The following DCTN1 variants were observed in gnomAD, a reference collection of about 807,000 sequenced individuals.
DCTN1 encodes the protein dynactin subunit 1, also known as 150 kDa dynein-associated polypeptide.
Under a neutral mutation model 161.2 loss-of-function variants are expected in DCTN1, and 61 were observed. The ratio of observed to expected loss-of-function variants is 0.38; its 90% CI spans 0.31 to 0.47. The LOEUF (loss-of-function observed/expected upper bound fraction) is 0.47, where lower values mean the gene tolerates loss of function less well. DCTN1 is among the 20% of genes least tolerant of loss of function. The pLI is 0.99. For synonymous variants in DCTN1, 653 were observed against 632.4 expected, an observed-to-expected ratio of 1.03 and a Z score of -0.49; for missense variants, 1,404 against 1,623.7, an observed-to-expected ratio of 0.86 and a Z score of 2.33.
In DCTN1 at chr2:74,361,492, G is replaced by T; in HGVS notation, c.*7C>A. On this transcript the variant is annotated 3_prime_UTR_variant, in exon 32 of 32. Coordinates refer to ENST00000628224, the MANE Select transcript of DCTN1 (RefSeq NM_004082.5). ...GGGTCGAAGGGGACAGCAGGGGAAA[G>T]GAGTGCTTAGGAGATGAGGCGACTG... The T allele has an allele frequency of 6.2e-7, 1 of 1,614,100 alleles. No homozygotes were observed. The highest frequency in any genetic ancestry group is 8.5e-7 in the Non-Finnish European group (1 of 1,180,030).
In DCTN1 at chr2:74,369,816, GAAAAA is replaced by G; in HGVS notation, c.1392+144_1392+148del. 129 of 510,662 alleles carry G rather than the reference GAAAAA, an allele frequency of 2.5e-4. No individual in the cohort carries two copies. The highest frequency in any genetic ancestry group is 4.4e-4 in the East Asian group (13 of 29,786). 31.6% of individuals were successfully genotyped at this position (510,662 alleles called of 1,614,324 possible). ...GGCAACAGAGCGAGATTCCATCTCAGAAAAAAAAAAAAAAAAAAAAGGCAGGGTCA... is the reference window on the plus strand; with the variant it reads ...GGCAACAGAGCGAGATTCCATCTCAGAAAAAAAAAAAAAAAGGCAGGGTCA... On this transcript the variant is annotated intron_variant, in intron 13 of 31. Transcript: ENST00000628224. The surrounding 1 kb of genome is among the most constrained non-coding windows in gnomAD (Gnocchi z 4.9).
At chr2:74,379,838 G>A (rs1346400518) in intron 1 of DCTN1, among the ~76,000 whole-genome samples, 167 bp downstream of exon 1, 6 of 152,090 alleles carry the variant, frequency 3.9e-5, no homozygotes, top group African/African-American at 1.2e-4. Context: ...AGGGAAGCCT[G>A]TCCAGCCTTA....
chr2:74,365,502 G>A lies in DCTN1; in HGVS notation c.3029+13C>T, dbSNP rs766752428. 1.2e-6 allele frequency: 2 copies of A among 1,614,112 alleles called. No individual in the cohort carries two copies. The highest frequency in any genetic ancestry group is 1.1e-5 in the South Asian group (1 of 91,070). On this transcript the variant is annotated intron_variant, in intron 25 of 31. Transcript: ENST00000628224. ...GGATTAGAGGAAGCAAGGCCCCAGGGAAAGTGCCTGACTTCTCCTTCTTTC... is the reference window on the plus strand; with the variant it reads ...GGATTAGAGGAAGCAAGGCCCCAGGAAAAGTGCCTGACTTCTCCTTCTTTC...
chr2:74,369,530 G>T lies in DCTN1; in HGVS notation c.1393-39C>A, dbSNP rs758683272. 1.2e-6 allele frequency: 2 copies of T among 1,603,640 alleles called. No homozygotes were observed. The highest frequency in any genetic ancestry group is 2.7e-5 in the African/African-American group (2 of 75,024). Reference sequence around the variant, plus strand: ...CCATAGTTTGGGCTAAAGAAAGGCAGGGTCGGCCAGCGGCGGTGGTTCACA... The same window carrying T: ...CCATAGTTTGGGCTAAAGAAAGGCATGGTCGGCCAGCGGCGGTGGTTCACA... On this transcript the variant is annotated intron_variant, in intron 13 of 31. Coordinates refer to ENST00000628224, the MANE Select transcript of DCTN1 (RefSeq NM_004082.5). The surrounding 1 kb of genome is among the most constrained non-coding windows in gnomAD (Gnocchi z 4.9).
At chr2:74,375,686 C>A (rs1047105035) in intron 5 of DCTN1, among the ~76,000 whole-genome samples, 11 of 152,176 alleles carry the variant, frequency 7.2e-5, no homozygotes, top group Non-Finnish European at 4.4e-5. Context: ...AATCAAAGGA[C>A]AAAGCCAAGT....
Position 74,370,992 on chromosome 2 carries a change from T to C in DCTN1, c.830A>G (p.Lys277Arg), listed in dbSNP as rs1674799578. 6.2e-7 allele frequency: 1 copy of C among 1,613,944 alleles called. No homozygotes were observed. The change falls in exon 9 of 32, where the codon AAG (lysine) becomes AGG (arginine). Residue 277 changes from lysine (K) to arginine (R), a missense_variant. Physicochemically the swap from Lys to Arg is conservative, Grantham distance 26. Coordinates refer to ENST00000628224, the MANE Select transcript of DCTN1 (RefSeq NM_004082.5). The surrounding 1 kb of genome is among the most constrained non-coding windows in gnomAD (Gnocchi z 4.4). ...CCAGAGTCAAACCTTTCTCGCCTCC[T>C]TGAGGCGCCGCTGCAGGTCGGCCTG... ...EQQADLQRRL[K>R]EARKEAKEAL...
At position 74,372,049 on chromosome 2, in the gene DCTN1, C is replaced by T. The variant is rs1273373678; in HGVS notation, c.454-321G>A. On this transcript the variant is annotated intron_variant, in intron 7 of 31. Transcript: ENST00000628224. The stretch of plus-strand genomic sequence containing the variant: ...CATTCCTCCTAGCTCTGGCACTACC[C>T]TTAAGAGCAGAATCCGTTATTCCCT... 1.6e-5 allele frequency: 6 copies of T among 372,572 alleles called. No homozygotes were observed. The East Asian group carries it at 3.6e-4, about 22-fold the overall frequency. 23.1% of individuals were successfully genotyped at this position (372,572 alleles called of 1,614,324 possible).
intron 18 of DCTN1, 51 bp downstream of exon 18, chr2:74,367,645 A>T (rs1317067861): frequency 6.2e-7 from 1 of 1,612,620 alleles, no homozygotes; most frequent in Non-Finnish European, 8.5e-7. Context: ...AGCCCCCATC[A>T]AGTGAAAGCT....
intron 7 of DCTN1, 31 bp downstream of exon 7, chr2:74,372,897 C>T: frequency 6.2e-7 from 1 of 1,611,548 alleles, no homozygotes; most frequent in South Asian, 1.1e-5. Context: ...GTACACTCAG[C>T]AGTGGCTCAC....
rs779676968 is a variant in DCTN1, at chr2:74,361,553, C to T, written c.3783G>A (p.Arg1261=). 3.1e-6 allele frequency: 5 copies of T among 1,614,026 alleles called. No homozygotes were observed. The highest frequency in any genetic ancestry group is 2.2e-5 in the South Asian group (2 of 91,078). Residue 1261 remains arginine (R), a synonymous_variant, in exon 32 of 32, where the codon CGG becomes CGA. Transcript: ENST00000628224. ...SCAAGFGQRH[R]LVLTQEQLHQ... ...GCAGCTGCTCCTGGGTCAGCACCAG[C>T]CGGTGTCGCTGTCCAAAACCAGCCG...
intron 29 of DCTN1, 72 bp downstream of exon 29, chr2:74,362,922 G>T: frequency 1.3e-6 from 2 of 1,551,894 alleles, no homozygotes; most frequent in South Asian, 1.2e-5. Flanking sequence ...GGAACCACCT[G>T]AGCAGGGGCT....
rs773041299 is a variant in DCTN1, at chr2:74,374,353, T to C, written c.415-13A>G. The C allele has an allele frequency of 1.2e-6, 2 of 1,612,792 alleles. No homozygotes were observed. The highest frequency in any genetic ancestry group is 1.7e-6 in the Non-Finnish European group (2 of 1,179,358). ...GGGCTGTCGGTGCCTGTCTCATCAT[T>C]GCAGAAAACCAAAGAAAGCAAGGAG... On this transcript the variant is annotated splice_polypyrimidine_tract_variant and intron_variant, in intron 5 of 31. Transcript: ENST00000628224.
At chr2:74,377,884 A>T in intron 2 of DCTN1, 116 bp downstream of exon 2, 1 of 1,513,090 alleles carries the variant, frequency 6.6e-7, no homozygotes, top group Middle Eastern at 1.7e-4. Flanking sequence ...ACTACCTTCC[A>T]CTCTCCCAAC....
intron 29 of DCTN1, 69 bp from the exon 30 acceptor site, chr2:74,362,798 G>C: frequency 6.7e-7 from 1 of 1,486,246 alleles, no homozygotes; most frequent in Non-Finnish European, 9.3e-7. Context: ...TTAAGGGTTA[G>C]GGGTGCAGGT....
intron 1 of DCTN1, among the ~76,000 whole-genome samples, chr2:74,379,360 CAGAGCCAGGGA>C (rs1235937871): frequency 1.3e-5 from 2 of 152,186 alleles, no homozygotes; most frequent in African/African-American, 2.4e-5. Flanking sequence ...GGAGCCCTGG[CAGAGCCAGGGA>C]AGAGCCAGGA....
Position 74,369,884 on chromosome 2 carries a change from C to A in DCTN1, c.1392+81G>T. ...CAGGCTGGGTCCCTCACCGCACACC[C>A]TGCTCAAAGGCCAAGGGTCACATGT... On this transcript the variant is annotated intron_variant, in intron 13 of 31. Coordinates refer to ENST00000628224, the MANE Select transcript of DCTN1 (RefSeq NM_004082.5). The surrounding 1 kb of genome is among the most constrained non-coding windows in gnomAD (Gnocchi z 4.9). 4.2e-6 allele frequency: 6 copies of A among 1,439,472 alleles called. No individual in the cohort carries two copies. The highest frequency in any genetic ancestry group is 5.8e-6 in the Non-Finnish European group (6 of 1,025,732). 89.2% of individuals were successfully genotyped at this position (1,439,472 alleles called of 1,614,324 possible).
intron 1 of DCTN1, among the ~76,000 whole-genome samples, chr2:74,388,866 C>T (rs1314574552): frequency 2.0e-5 from 3 of 152,160 alleles, no homozygotes; most frequent in African/African-American, 7.2e-5. Context: ...TTGAAGACCA[C>T]CACCACTGGG....
chr2:74,361,166 A>T lies in DCTN1; in HGVS notation c.*333T>A, dbSNP rs1477662461. The stretch of plus-strand genomic sequence containing the variant: ...CACCACACAGGAAGCACTGAAGCAG[A>T]AGTTGCTTTAATCAAGGGGTGAAGT... On this transcript the variant is annotated 3_prime_UTR_variant, in exon 32 of 32. Transcript: ENST00000628224. 2 of 437,202 alleles carry T rather than the reference A, an allele frequency of 4.6e-6. No individual in the cohort carries two copies. The highest frequency in any genetic ancestry group is 3.7e-5 in the South Asian group (2 of 54,142). 27.1% of individuals were successfully genotyped at this position (437,202 alleles called of 1,614,324 possible).
chr2:74,371,387 G>T, intron 8 of DCTN1, 150 bp downstream of exon 8: 1 of 1,260,444 alleles, frequency 7.9e-7, no homozygotes, highest in Non-Finnish European at 1.1e-6. Context: ...GGATGGCTCA[G>T]TCAGTAGCAA....
Sources: allele counts gnomAD v4.1 joint callset (sites outside exome capture counted in the v4.1 genomes callset), GRCh38; gene constraint gnomAD v4.1.1; non-coding constraint Gnocchi (gnomAD v3.1); transcripts MANE v1.5; gene names NCBI Gene and HGNC (gene_info 2026-07-23, HGNC 2026-07-21).